CAND2: variants seen among roughly 807,000 people sequenced by gnomAD.
The protein encoded by CAND2 is cullin-associated NEDD8-dissociated protein 2.
CAND2 carries 62 observed loss-of-function variants against 98.9 expected under a neutral mutation model. That is an observed-to-expected ratio of 0.63 (90% CI 0.51 to 0.77). CAND2 has a LOEUF of 0.77. CAND2 is among the 30% of genes least tolerant of loss of function. The probability of loss-of-function intolerance (pLI) is 0.00; values close to 1 mark genes in which losing one functional copy is unlikely to be tolerated. For missense variants in CAND2, 1,501 were observed against 1,655.2 expected, an observed-to-expected ratio of 0.91 and a Z score of 1.62; for synonymous variants, 770 against 731.9, an observed-to-expected ratio of 1.05 and a Z score of -0.84.
In CAND2 at chr3:12,815,455, C is replaced by T. The variant is rs751324030; in HGVS notation, c.1299+22C>T. On this transcript the variant is annotated intron_variant, in intron 8 of 14. Coordinates refer to ENST00000456430, the MANE Select transcript of CAND2 (RefSeq NM_001162499.2). This position sits in a 1 kb window ranked among gnomAD's most constrained non-coding sequence, Gnocchi z 5.7. Reference sequence around the variant, plus strand: ...ACAGGTGGGCGTGCCTTCACCTCCACCCCTACCCCCGATTTGCCTACCCAG... The same window carrying T: ...ACAGGTGGGCGTGCCTTCACCTCCATCCCTACCCCCGATTTGCCTACCCAG... The T allele has an allele frequency of 6.3e-7, 1 of 1,589,618 alleles. No individual in the cohort carries two copies. Among genetic ancestry groups the T allele is most frequent in the East Asian group, 2.3e-5 (1 of 44,334 alleles).
At chr3:12,803,889 G>A (rs1317473458) in intron 2 of CAND2, among the ~76,000 whole-genome samples, 1 of 152,162 alleles carries the variant, frequency 6.6e-6, no homozygotes, top group African/African-American at 2.4e-5. Context: ...CCAATCAAGG[G>A]TATGGTACGA....
intron 12 of CAND2, among the ~76,000 whole-genome samples, chr3:12,826,497 A>G (rs974994281): frequency 6.6e-6 from 1 of 152,074 alleles, no homozygotes; most frequent in Non-Finnish European, 1.5e-5. Context: ...GCACAATCAC[A>G]GCTCACTGCA....
chr3:12,810,031 C>T, intron 4 of CAND2, 28 bp from the exon 5 acceptor site: 2 of 1,386,168 alleles, frequency 1.4e-6, no homozygotes, highest in Non-Finnish European at 1.9e-6. Context: ...GGAGTGCGAT[C>T]GGCCTGATGC....
intron 10 of CAND2, among the ~76,000 whole-genome samples, chr3:12,819,450 A>G (rs1381773677): frequency 6.6e-6 from 1 of 152,210 alleles, no homozygotes; most frequent in Non-Finnish European, 1.5e-5. Flanking sequence ...TCCTTCATTA[A>G]GGGAATGTAC....
At chr3:12,821,233 CAAAAAAAA>C (rs10589402) in intron 11 of CAND2, among the ~76,000 whole-genome samples, 10 of 139,884 alleles carry the variant, frequency 7.1e-5, no homozygotes, top group African/African-American at 1.8e-4. Context: ...GACTCCGTCT[CAAAAAAAA>C]AAAAAAAAAT....
In CAND2 at chr3:12,815,160, C is replaced by T. The variant is rs764379069; in HGVS notation, c.1026C>T (p.Ser342=). The T allele has an allele frequency of 3.1e-6, 5 of 1,610,958 alleles. No individual in the cohort carries two copies. Among genetic ancestry groups the T allele is most frequent in the Non-Finnish European group, 4.2e-6 (5 of 1,178,048 alleles). The part of the protein sequence containing the change: ...FSEQESEDEY[S]DDDDMSWKVR... ...CCCCAGAGAGTGAAGACGAGTACAG[C>T]GATGACGATGACATGAGCTGGAAGG... The change falls in exon 8 of 15, where the codon AGC becomes AGT. Residue 342 remains serine, a synonymous_variant. Coordinates refer to ENST00000456430, the MANE Select transcript of CAND2 (RefSeq NM_001162499.2). The surrounding 1 kb of genome is among the most constrained non-coding windows in gnomAD (Gnocchi z 5.7).
intron 10 of CAND2, among the ~76,000 whole-genome samples, chr3:12,819,601 G>T (rs974320795): frequency 6.6e-6 from 1 of 152,214 alleles, no homozygotes; most frequent in African/African-American, 2.4e-5. Flanking sequence ...CCCAGGAAGA[G>T]GGGCCCAGCC....
intron 7 of CAND2, among the ~76,000 whole-genome samples, chr3:12,813,900 G>A (rs1253289791): frequency 6.6e-6 from 1 of 152,212 alleles, no homozygotes; most frequent in African/African-American, 2.4e-5. Context: ...CTATGCCTGT[G>A]GTCCTGTCTG....
At chr3:12,801,309 A>G (rs2061765139) in intron 1 of CAND2, among the ~76,000 whole-genome samples, 1 of 152,220 alleles carries the variant, frequency 6.6e-6, no homozygotes, top group Non-Finnish European at 1.5e-5. Context: ...AAGTGCTGGG[A>G]TTACAGGCGT....
chr3:12,816,074 G>C, intron 9 of CAND2, 66 bp downstream of exon 9: 2 of 1,506,596 alleles, frequency 1.3e-6, no homozygotes, highest in Admixed American at 3.6e-5. Context: ...CCCCACCCCT[G>C]AGTTGAGCCC....
intron 6 of CAND2, 58 bp from the exon 7 acceptor site, chr3:12,813,188 T>C: frequency 6.2e-7 from 1 of 1,601,210 alleles, no homozygotes; most frequent in Admixed American, 1.7e-5. Flanking sequence ...CATTGGGCCC[T>C]GTCCCCCACT....
rs1079361 is a variant in CAND2, at chr3:12,834,381, G to C, written c.*399G>C. The C allele has an allele frequency of 0.17, 32,188 of 188,452 alleles. 3,663 individuals carry two copies. Among genetic ancestry groups the C allele is most frequent in the African/African-American group, 0.35 (15,133 of 43,186 alleles). 11.7% of individuals were successfully genotyped at this position (188,452 alleles called of 1,614,324 possible). On this transcript the variant is annotated 3_prime_UTR_variant, in exon 15 of 15. Transcript: ENST00000456430. ...TCAGGAGGCAGCAGACACCACTCTG[G>C]TTTCTTCACTGCATTCAGCAATGCC...
intron 1 of CAND2, among the ~76,000 whole-genome samples, chr3:12,797,117 C>T (rs530734367): frequency 1.3e-5 from 2 of 151,206 alleles, no homozygotes; most frequent in South Asian, 4.2e-4. Context: ...GCCTCTCCTC[C>T]CTCGTGTGTG....
chr3:12,822,505 C>T (rs1404042357), intron 11 of CAND2, among the ~76,000 whole-genome samples: 3 of 152,012 alleles, frequency 2.0e-5, no homozygotes. Context: ...TGCTATGTTA[C>T]CCAGGCTGGT....
rs372947161 is a variant in CAND2 at position 12,806,294 on chromosome 3, C to T, written c.213-1012C>T. On this transcript the variant is annotated intron_variant, in intron 2 of 14. Transcript: ENST00000456430. ...CTGTATTCCAGCCTGGGCAACAGAG[C>T]GAGACCTCATCTCAATAAAAATCAA... Among the ~76,000 whole-genome samples the T allele has an allele frequency of 1.5e-4, 23 of 152,226 alleles. 2 individuals are homozygous for T. The highest frequency in any genetic ancestry group is 4.6e-4 in the Admixed American group (7 of 15,270).
chr3:12,831,340 G>C, intron 13 of CAND2, 125 bp from the exon 14 acceptor site: 2 of 728,588 alleles, frequency 2.7e-6, no homozygotes, highest in South Asian at 3.1e-5. Context: ...ACTCTGGCAG[G>C]ACTTCACGGT....
chr3:12,816,063 AC>A, intron 9 of CAND2, 55 bp downstream of exon 9: 2 of 1,557,012 alleles, frequency 1.3e-6, no homozygotes, highest in Non-Finnish European at 1.8e-6. Flanking sequence ...CAGAACCCAG[AC>A]CCCACCCCTG....
chr3:12,816,447 G>C lies in CAND2; in HGVS notation c.1515G>C (p.Gly505=), dbSNP rs762735170. ...IRMDALAFLQ[G]LLGTEPAEAF... Reference sequence around the variant, plus strand: ...TGGATGCCCTGGCCTTCTTGCAGGGGCTGCTGGGCACCGAACCAGCTGAGG... The same window carrying C: ...TGGATGCCCTGGCCTTCTTGCAGGGCCTGCTGGGCACCGAACCAGCTGAGG... The change falls in exon 10 of 15, where the codon GGG becomes GGC. Residue 505 remains glycine (G), a synonymous_variant. Coordinates refer to ENST00000456430, the MANE Select transcript of CAND2 (RefSeq NM_001162499.2). The C allele has an allele frequency of 1.2e-5, 20 of 1,613,940 alleles. No homozygotes were observed. In the South Asian group the frequency reaches 2.0e-4, roughly 16 times the overall value.
At chr3:12,830,703 G>A (rs947719609) in intron 13 of CAND2, among the ~76,000 whole-genome samples, 1 of 152,176 alleles carries the variant, frequency 6.6e-6, no homozygotes, top group African/African-American at 2.4e-5. Context: ...CTTTAGAGAG[G>A]GAGTGAACAC....
Sources: allele counts gnomAD v4.1 joint callset (sites outside exome capture counted in the v4.1 genomes callset), GRCh38; gene constraint gnomAD v4.1.1; non-coding constraint Gnocchi (gnomAD v3.1); transcripts MANE v1.5; gene names NCBI Gene and HGNC (gene_info 2026-07-23, HGNC 2026-07-21).